TLCD4: variants seen among roughly 807,000 people sequenced by gnomAD.
TLCD4 encodes TLC domain-containing protein 4.
In TLCD4, 7 loss-of-function variants were observed where a neutral mutation model predicts 24.2. That is an observed-to-expected ratio of 0.29 (90% CI 0.16 to 0.54). The LOEUF (loss-of-function observed/expected upper bound fraction) is 0.54, where lower values mean the gene tolerates loss of function less well. Ranked by LOEUF, TLCD4 falls within the 20% of genes least tolerant of loss-of-function variation. The pLI is 0.95. For synonymous variants in TLCD4, 103 were observed against 106.4 expected (o/e 0.97, Z 0.20); for missense variants, 259 against 313.9 (o/e 0.82, Z 1.32).
chr1:95,196,144 T>C lies in TLCD4; in HGVS notation c.*4276T>C, dbSNP rs1679197777. 2 of 152,250 alleles carry C rather than the reference T, an allele frequency of 1.3e-5. No individual in the cohort carries two copies. The highest frequency in any genetic ancestry group is 4.1e-4 in the South Asian group (2 of 4,830). The allele number at this position is 152,250 out of a possible 1,614,324, so 9.4% of individuals were successfully genotyped here. A position where few individuals can be genotyped will look rare whatever the true frequency, so the allele number is the denominator to read the frequency against. ...ACATGAGGCAAAGCTAATAATGTTA[T>C]GGTTTTATTAAGAGATCTGTCATCT... On this transcript the variant is annotated 3_prime_UTR_variant, in exon 7 of 7. Transcript: ENST00000370203.
upstream of TLCD4, among the ~76,000 whole-genome samples, chr1:95,114,858 T>C (rs903212174): frequency 3.3e-5 from 5 of 151,992 alleles, no homozygotes; most frequent in Admixed American, 6.6e-5. Flanking sequence ...TTGTATTTGT[T>C]GCCCATTTCA....
intron 2 of TLCD4, among the ~76,000 whole-genome samples, chr1:95,144,720 C>T (rs1389227749): frequency 1.3e-5 from 2 of 151,008 alleles, no homozygotes; most frequent in Non-Finnish European, 2.9e-5. Context: ...AGACAGAGTC[C>T]CGTTCTGTCG....
chr1:95,130,224 C>T (rs1403438182), intron 1 of TLCD4, among the ~76,000 whole-genome samples: 1 of 141,328 alleles, frequency 7.1e-6, no homozygotes, highest in African/African-American at 2.5e-5. Flanking sequence ...GCGATCTCGG[C>T]TCACTGCAGC....
At chr1:95,150,346 T>C (rs780329277) in intron 4 of TLCD4, 80 bp downstream of exon 4, 245 of 1,535,568 alleles carry the variant, frequency 1.6e-4, no homozygotes, top group Non-Finnish European at 2.0e-4. Flanking sequence ...GTCTATGCTT[T>C]TGGTTTATTT....
chr1:95,181,020 C>G (rs1185218031), intron 6 of TLCD4, among the ~76,000 whole-genome samples: 2 of 152,070 alleles, frequency 1.3e-5, no homozygotes, highest in Non-Finnish European at 2.9e-5. Context: ...TTACTTGAAC[C>G]CAGTTGGTGG....
rs968762520 is a variant in TLCD4, at chr1:95,197,504, T to G, written c.*5636T>G. ...ATTACCCTTCTCCCCCTCCCCTCCA[T>G]GAAAACCTTGGGATTTTCTTGTGCT... On this transcript the variant is annotated 3_prime_UTR_variant, in exon 7 of 7. Transcript: ENST00000370203. The G allele has an allele frequency of 9.2e-5, 14 of 152,118 alleles. No individual in the cohort carries two copies. The highest frequency in any genetic ancestry group is 3.1e-4 in the African/African-American group (13 of 41,438). The allele number at this position is 152,118 out of a possible 1,614,324, so 9.4% of individuals were successfully genotyped here.
In TLCD4 at chr1:95,122,983, T is replaced by A. The variant is rs200869247; in HGVS notation, c.-12+5366T>A. On this transcript the variant is annotated intron_variant, in intron 1 of 6. Coordinates refer to ENST00000370203, the MANE Select transcript of TLCD4 (RefSeq NM_152487.3). Reference sequence around the variant, plus strand: ...CTTTATGGACATGATTTTTTTTTTTTTAAAAAGAGAAATAGGGTCTCACTG... The same window carrying A: ...CTTTATGGACATGATTTTTTTTTTTATAAAAAGAGAAATAGGGTCTCACTG... Among the ~76,000 whole-genome samples the A allele has an allele frequency of 1.9e-3, 290 of 151,764 alleles. 1 individual carries two copies. The highest frequency in any genetic ancestry group is 3.4e-3 in the Middle Eastern group (1 of 294).
At chr1:95,189,499 A>G (rs1360227204) in intron 6 of TLCD4, among the ~76,000 whole-genome samples, 2 of 152,182 alleles carry the variant, frequency 1.3e-5, no homozygotes, top group Non-Finnish European at 2.9e-5. Context: ...CCACTATAGT[A>G]TTATGCAGAA....
intron 5 of TLCD4, among the ~76,000 whole-genome samples, chr1:95,170,572 G>A (rs1035450781): frequency 3.9e-5 from 6 of 152,080 alleles, no homozygotes; most frequent in East Asian, 3.9e-4. Context: ...CTTGTGATCC[G>A]TCCACTTTGG....
At chr1:95,137,115 G>T (rs1384479916) in intron 1 of TLCD4, among the ~76,000 whole-genome samples, 2 of 152,186 alleles carry the variant, frequency 1.3e-5, no homozygotes, top group Non-Finnish European at 2.9e-5. Flanking sequence ...AGTGGGGGTT[G>T]GGGGGAGGTA....
At chr1:95,157,276 C>T (rs1050419856) in intron 5 of TLCD4, among the ~76,000 whole-genome samples, 4 of 152,022 alleles carry the variant, frequency 2.6e-5, no homozygotes, top group Non-Finnish European at 5.9e-5. Flanking sequence ...CGGGTTTATG[C>T]ATATGTCAAA....
chr1:95,176,240 G>A (rs1438993074), intron 6 of TLCD4, among the ~76,000 whole-genome samples: 1 of 150,368 alleles, frequency 6.7e-6, no homozygotes, highest in Admixed American at 6.6e-5. Context: ...CGCCCAGTCT[G>A]GAGTACAGTG....
At position 95,192,703 on chromosome 1, in the gene TLCD4, G is replaced by A. The variant is rs900057003; in HGVS notation, c.*835G>A. On this transcript the variant is annotated 3_prime_UTR_variant, in exon 7 of 7. Coordinates refer to ENST00000370203, the MANE Select transcript of TLCD4 (RefSeq NM_152487.3). ...TAACAACATTTTTCATTTCAGACAT[G>A]CAATCACCTATTAATGATGAAATAT... 1 of 152,094 alleles carries A rather than the reference G, an allele frequency of 6.6e-6. No homozygotes were observed. The highest frequency in any genetic ancestry group is 6.6e-5 in the Admixed American group (1 of 15,266). The allele number at this position is 152,094 out of a possible 1,614,324, so 9.4% of individuals were successfully genotyped here.
chr1:95,158,210 C>G (rs576581179), intron 5 of TLCD4, among the ~76,000 whole-genome samples: 14 of 131,410 alleles, frequency 1.1e-4, no homozygotes, highest in Non-Finnish European at 2.0e-4. Context: ...TTTTTTGAGA[C>G]AGAGTCTCAT....
At chr1:95,159,625 T>G (rs530012189) in intron 5 of TLCD4, among the ~76,000 whole-genome samples, 1 of 152,356 alleles carries the variant, frequency 6.6e-6, no homozygotes, top group East Asian at 1.9e-4. Context: ...CTTCTAGAGT[T>G]TTTATGGTTT....
intron 6 of TLCD4, among the ~76,000 whole-genome samples, chr1:95,190,194 C>G (rs938367840): frequency 2.6e-5 from 4 of 151,954 alleles, no homozygotes; most frequent in Non-Finnish European, 5.9e-5. Flanking sequence ...ACCTCTGCCT[C>G]CCAGGTTCAA....
At chr1:95,138,206 T>C (rs1272114470) in intron 1 of TLCD4, 1 of 152,338 alleles carries the variant, frequency 6.6e-6, no homozygotes, top group East Asian at 1.9e-4. Flanking sequence ...CTTACCACTT[T>C]GTGTGGTGAG....
the TLCD4 span, among the ~76,000 whole-genome samples, chr1:95,105,934 A>G: frequency 6.6e-6 from 1 of 151,104 alleles, no homozygotes; most frequent in Non-Finnish European, 1.5e-5. Context: ...AGAAAGGACG[A>G]GTGCAGAAAG....
chr1:95,174,967 G>T (rs1678372056), intron 6 of TLCD4, among the ~76,000 whole-genome samples: 1 of 152,094 alleles, frequency 6.6e-6, no homozygotes, highest in South Asian at 2.1e-4. Context: ...GTAGAAACGA[G>T]ATTTCGCCAT....
Sources: allele counts gnomAD v4.1 joint callset (sites outside exome capture counted in the v4.1 genomes callset), GRCh38; gene constraint gnomAD v4.1.1; transcripts MANE v1.5; gene names NCBI Gene and HGNC (gene_info 2026-07-23, HGNC 2026-07-21).